Variants in CIAPIN1 observed in about 807,000 individuals in gnomAD.
CIAPIN1 encodes anamorsin.
CIAPIN1 carries 18 observed loss-of-function variants against 34.3 expected under a neutral mutation model. The ratio of observed to expected loss-of-function variants is 0.52; its 90% CI spans 0.36 to 0.78. The LOEUF (loss-of-function observed/expected upper bound fraction) is 0.78, where lower values mean the gene tolerates loss of function less well. Among genes scored for constraint, CIAPIN1 ranks in the 30% least tolerant of loss-of-function variants. CIAPIN1 has a pLI of 0.00. For synonymous variants in CIAPIN1, 131 were observed against 140.4 expected (o/e 0.93, Z 0.47); for missense variants, 310 against 372.5 (o/e 0.83, Z 1.38).
chr16:57,437,114 G>A (rs1227586927), intron 3 of CIAPIN1, among the ~76,000 whole-genome samples: 2 of 152,034 alleles, frequency 1.3e-5, no homozygotes, highest in African/African-American at 2.4e-5. Flanking sequence ...ACAACAGAGT[G>A]AGACTTGATC....
chr16:57,441,115 T>C (rs1903321627), intron 1 of CIAPIN1, 132 bp from the exon 2 acceptor site: 1 of 474,130 alleles, frequency 2.1e-6, no homozygotes, highest in Non-Finnish European at 3.6e-6. Context: ...CTAAAGAGTC[T>C]GAATACATGA....
chr16:57,435,068 T>C (rs1372605690), intron 4 of CIAPIN1, among the ~76,000 whole-genome samples: 8 of 152,164 alleles, frequency 5.3e-5, no homozygotes, highest in Admixed American at 3.9e-4. Context: ...TAATCCCCAA[T>C]GTTGGAGGTG....
At chr16:57,431,467 T>C (rs1903085848) in intron 6 of CIAPIN1, 1 of 452,486 alleles carries the variant, frequency 2.2e-6, no homozygotes, top group Non-Finnish European at 4.0e-6. Flanking sequence ...CCACAGAAGA[T>C]GCACTAGGAT....
At chr16:57,442,625 G>A (rs1214869218) in intron 1 of CIAPIN1, among the ~76,000 whole-genome samples, 1 of 152,186 alleles carries the variant, frequency 6.6e-6, no homozygotes, top group African/African-American at 2.4e-5. Context: ...GAGCCCAGGA[G>A]GTTGAGGCTG....
chr16:57,433,540 TGTGCGTGCGC>T (rs1418266663), intron 5 of CIAPIN1: 1 of 176,602 alleles, frequency 5.7e-6, no homozygotes, highest in Non-Finnish European at 1.2e-5. Flanking sequence ...TGTGTGTGTG[TGTGCGTGCGC>T]GTGCGTGCAC....
Position 57,434,034 on chromosome 16 carries a change from C to T in CIAPIN1, c.556+10G>A, listed in dbSNP as rs1903145902. The stretch of plus-strand genomic sequence containing the variant: ...ATTCAAACAGAAGAATGTCCCTAGG[C>T]CAGCCTTACCTGAAGGAGAAGACTT... On this transcript the variant is annotated intron_variant, in intron 5 of 8. Transcript: ENST00000394391. 6.2e-7 allele frequency: 1 copy of T among 1,613,110 alleles called. No homozygotes were observed. The highest frequency in any genetic ancestry group is 1.3e-5 in the African/African-American group (1 of 74,906).
At chr16:57,429,623 C>T (rs1360460924) in intron 8 of CIAPIN1, among the ~76,000 whole-genome samples, 92 of 151,286 alleles carry the variant, frequency 6.1e-4, no homozygotes, top group Admixed American at 6.6e-5. Flanking sequence ...TCCCAAGTAG[C>T]TGGGACTACA....
chr16:57,428,994 A>G lies in CIAPIN1; in HGVS notation c.*176T>C, dbSNP rs1903016543. The G allele has an allele frequency of 5.1e-6, 3 of 584,226 alleles. No individual in the cohort carries two copies. Among genetic ancestry groups the G allele is most frequent in the Admixed American group, 6.1e-5 (2 of 33,008 alleles). The allele number at this position is 584,226 out of a possible 1,614,324, so 36.2% of individuals were successfully genotyped here. ...ATAATACCTTGGTCTTTTGATACAC[A>G]GCAGCACTACACACCACTGTGCCCC... On this transcript the variant is annotated 3_prime_UTR_variant, in exon 9 of 9. Coordinates refer to ENST00000394391, the MANE Select transcript of CIAPIN1 (RefSeq NM_020313.4).
chr16:57,431,369 G>A, intron 6 of CIAPIN1, 103 bp from the exon 7 acceptor site: 1 of 705,496 alleles, frequency 1.4e-6, no homozygotes, highest in Non-Finnish European at 2.4e-6. Flanking sequence ...CCAGGGTAAA[G>A]AAGGTGTCCA....
At chr16:57,432,446 G>A in intron 6 of CIAPIN1, 41 bp downstream of exon 6, 1 of 1,587,916 alleles carries the variant, frequency 6.3e-7, no homozygotes, top group Non-Finnish European at 8.6e-7. Context: ...CCAAACTGGG[G>A]CCTGAAAGAA....
intron 2 of CIAPIN1, among the ~76,000 whole-genome samples, chr16:57,439,640 T>C (rs2146568019): frequency 6.6e-6 from 1 of 152,352 alleles, no homozygotes; most frequent in Non-Finnish European, 1.5e-5. Flanking sequence ...TCATGAACAT[T>C]TATTAGTTCC....
chr16:57,439,223 C>G lies in CIAPIN1; in HGVS notation c.269G>C (p.Gly90Ala). Reference sequence around the variant, plus strand: ...TGGCTCCTTCAGAAAAAGACATCCACCAGGCCGAAGGATCCGGGCGATTTC... The same window carrying G: ...TGGCTCCTTCAGAAAAAGACATCCAGCAGGCCGAAGGATCCGGGCGATTTC... ...LAEIARILRP[G>A]GCLFLKEPVE... is the part of the protein sequence containing the mutation. The change falls in exon 3 of 9, where the codon GGT (glycine) becomes GCT (alanine). Residue 90 changes from glycine (G) to alanine (A), a missense_variant. By Grantham distance (60) the Gly-to-Ala change is moderately conservative (BLOSUM62 0). Transcript: ENST00000394391. 1 of 1,614,150 alleles carries G rather than the reference C, an allele frequency of 6.2e-7. No individual in the cohort carries two copies. Among genetic ancestry groups the G allele is most frequent in the East Asian group, 2.2e-5 (1 of 44,880 alleles).
At chr16:57,433,910 C>A in intron 5 of CIAPIN1, 134 bp downstream of exon 5, 1 of 813,886 alleles carries the variant, frequency 1.2e-6, no homozygotes, top group South Asian at 1.5e-5. Context: ...ATTAAGTATT[C>A]TTCTTTGTGG....
At chr16:57,436,492 T>C (rs1345555879) in intron 4 of CIAPIN1, among the ~76,000 whole-genome samples, 164 bp downstream of exon 4, 1 of 152,128 alleles carries the variant, frequency 6.6e-6, no homozygotes, top group African/African-American at 2.4e-5. Flanking sequence ...CCTCCCAAAG[T>C]GCTGGGATTA....
At chr16:57,444,838 A>G (rs2029990195) in intron 1 of CIAPIN1, among the ~76,000 whole-genome samples, 1 of 152,208 alleles carries the variant, frequency 6.6e-6, no homozygotes, top group East Asian at 1.9e-4. Flanking sequence ...CCCGTAAGGA[A>G]AAAGTGTCCA....
At chr16:57,436,841 G>A (rs1291972587) in intron 3 of CIAPIN1, 109 bp from the exon 4 acceptor site, 2 of 735,586 alleles carry the variant, frequency 2.7e-6, no homozygotes, top group African/African-American at 1.8e-5. Context: ...ATAACCAGGT[G>A]GGCGTGGTGG....
chr16:57,442,426 C>T (rs1235817863), intron 1 of CIAPIN1, among the ~76,000 whole-genome samples: 7 of 151,760 alleles, frequency 4.6e-5, no homozygotes, highest in African/African-American at 7.3e-5. Context: ...CTTGGGAAGG[C>T]GAGGCAGGTG....
At chr16:57,438,626 G>T (rs919636747) in intron 3 of CIAPIN1, among the ~76,000 whole-genome samples, 25 of 152,164 alleles carry the variant, frequency 1.6e-4, no homozygotes, top group Admixed American at 1.2e-3. Context: ...TATATGTGTA[G>T]ATTTGTGTAA....
chr16:57,446,444 G>C (rs1433270131), intron 1 of CIAPIN1, among the ~76,000 whole-genome samples: 4 of 152,220 alleles, frequency 2.6e-5, no homozygotes, highest in Non-Finnish European at 5.9e-5. Flanking sequence ...CAAGGGGTGT[G>C]CAAAGCACAA....
Sources: allele counts gnomAD v4.1 joint callset (sites outside exome capture counted in the v4.1 genomes callset), GRCh38; gene constraint gnomAD v4.1.1; transcripts MANE v1.5; gene names NCBI Gene and HGNC (gene_info 2026-07-23, HGNC 2026-07-21).